Variants in POP4 observed in about 807,000 individuals in gnomAD.
POP4 encodes ribonuclease P protein subunit p29.
In POP4, 31 loss-of-function variants were observed where a neutral mutation model predicts 29.9. That is an observed-to-expected ratio of 1.04 (90% CI 0.78 to 1.40). The LOEUF is 1.40. Among genes scored for constraint, POP4 ranks in the 40% most tolerant of loss-of-function variants. The probability of loss-of-function intolerance (pLI) is 0.00; values close to 1 mark genes in which losing one functional copy is unlikely to be tolerated. For synonymous variants in POP4, 110 were observed against 108.2 expected (o/e 1.02, Z -0.10); for missense variants, 286 against 282.7 (o/e 1.01, Z -0.08).
At chr19:29,607,414 C>T (rs1243647620) in intron 1 of POP4, among the ~76,000 whole-genome samples, 1 of 151,996 alleles carries the variant, frequency 6.6e-6, no homozygotes. Flanking sequence ...TGCCACTGCA[C>T]TCCAGCCAGG....
chr19:29,607,117 A>G (rs1211334740), intron 1 of POP4, among the ~76,000 whole-genome samples: 2 of 152,126 alleles, frequency 1.3e-5, no homozygotes, highest in Non-Finnish European at 2.9e-5. Context: ...AAAACTTGCA[A>G]CCACATTGGT....
intron 6 of POP4, among the ~76,000 whole-genome samples, chr19:29,614,476 C>A (rs1971108405): frequency 6.6e-6 from 1 of 151,810 alleles, no homozygotes; most frequent in South Asian, 2.1e-4. Flanking sequence ...AGATATCAAA[C>A]CATAGTTAGA....
chr19:29,613,799 T>G lies in POP4; in HGVS notation c.425-72T>G. 8 of 1,540,226 alleles carry G rather than the reference T, an allele frequency of 5.2e-6. No homozygotes were observed. In the South Asian group the frequency reaches 9.0e-5, roughly 17 times the overall value. On this transcript the variant is annotated intron_variant, in intron 5 of 6. Transcript: ENST00000585603. ...GGGTGGGATCAGCACCCCCAACCCC[T>G]GAGGCCTGCTTCTCTGTGGTTCCCC...
In POP4 at chr19:29,612,163, G is replaced by A. The variant is rs936934863; in HGVS notation, c.409G>A (p.Gly137Arg). 6.2e-6 allele frequency: 10 copies of A among 1,609,778 alleles called. No individual in the cohort carries two copies. Among genetic ancestry groups the A allele is most frequent in the East Asian group, 4.5e-5 (2 of 44,864 alleles). The change falls in exon 5 of 7, where the codon GGG (glycine) becomes AGG (arginine). Residue 137 changes from glycine (G) to arginine (R), a missense_variant. Gly to Arg is a moderately radical substitution (Grantham distance 125). Transcript: ENST00000585603. ...QAKLLKADLH[G>R]AIISVTKSKC... ...CAAGCTCTTAAAGGCAGATCTTCAC[G>A]GGGCTATTATTTCAGGTAATTTACC...
intron 2 of POP4, among the ~76,000 whole-genome samples, chr19:29,609,902 G>A (rs917664701): frequency 5.3e-5 from 8 of 152,146 alleles, no homozygotes; most frequent in African/African-American, 1.4e-4. Flanking sequence ...ATTGTCCTAA[G>A]GGCACAGTGT....
chr19:29,607,867 C>T (rs1037763211), intron 1 of POP4, among the ~76,000 whole-genome samples: 5 of 152,210 alleles, frequency 3.3e-5, no homozygotes, highest in Non-Finnish European at 4.4e-5. Context: ...CATCTACATC[C>T]TAGACAGCTA....
At chr19:29,613,738 C>G (rs1304883627) in intron 5 of POP4, 133 bp from the exon 6 acceptor site, 6 of 1,378,722 alleles carry the variant, frequency 4.4e-6, no homozygotes, top group South Asian at 1.5e-5. Context: ...AGCCCCCACC[C>G]CCTGGGTGCT....
In POP4 at chr19:29,615,956, A is replaced by G. The variant is rs1377704306; in HGVS notation, c.*576A>G. The G allele has an allele frequency of 6.6e-6, 1 of 152,442 alleles. No homozygotes were observed. The allele number at this position is 152,442 out of a possible 1,614,324, so 9.4% of individuals were successfully genotyped here. On this transcript the variant is annotated 3_prime_UTR_variant, in exon 7 of 7. Transcript: ENST00000585603. ...GGATTGAAGGGTGAGTTGCTAAGTG[A>G]CTTAGGGTTTATTCACTTCAGGAAT...
intron 6 of POP4, among the ~76,000 whole-genome samples, chr19:29,614,371 C>T (rs912869899): frequency 2.0e-5 from 3 of 152,176 alleles, no homozygotes; most frequent in Admixed American, 1.3e-4. Flanking sequence ...GTGTCCTTGG[C>T]GATAACACTT....
chr19:29,611,971 G>C (rs777035477), intron 4 of POP4, 32 bp downstream of exon 4: 1 of 1,606,280 alleles, frequency 6.2e-7, no homozygotes, highest in East Asian at 2.2e-5. Context: ...TTGCTCTTTG[G>C]GGTGGATCTC....
Position 29,612,911 on chromosome 19 carries a change from G to A in POP4, c.424+733G>A, listed in dbSNP as rs116930207. Among the ~76,000 whole-genome samples the A allele has an allele frequency of 4.9e-3, 746 of 152,306 alleles. 6 individuals carry two copies. Among genetic ancestry groups the A allele is most frequent in the Admixed American group, 7.1e-3 (109 of 15,298 alleles). ...GCCGGTTACGTAGAAATCAGAGCAC[G>A]TTCCTTCCCTGCTTCAAGTCTTCTG... On this transcript the variant is annotated intron_variant, in intron 5 of 6. Transcript: ENST00000585603.
chr19:29,608,987 C>T (rs1293340057), intron 2 of POP4: 3 of 350,246 alleles, frequency 8.6e-6, no homozygotes, highest in African/African-American at 2.1e-5. Flanking sequence ...GCTGTGCCCA[C>T]GTGGTGGGCA....
At chr19:29,607,471 A>AC (rs1568293378) in intron 1 of POP4, among the ~76,000 whole-genome samples, 2 of 151,940 alleles carry the variant, frequency 1.3e-5, no homozygotes, top group African/African-American at 2.4e-5. Flanking sequence ...AAACAACAAA[A>AC]AAAAAAAACT....
Position 29,613,872 on chromosome 19 carries a change from G to A in POP4, c.426G>A (p.Val142=). ...KADLHGAIIS[V]TKSKCPSYVG... ...TGGAACTGTCCTTTTTCTTTGCAGT[G>A]ACAAAATCCAAATGCCCCTCTTATG... Residue 142 remains valine, a splice_region_variant and synonymous_variant, in exon 6 of 7, where the codon GTG becomes GTA. Coordinates refer to ENST00000585603, the MANE Select transcript of POP4 (RefSeq NM_006627.3). The A allele has an allele frequency of 6.2e-7, 1 of 1,611,070 alleles. No individual in the cohort carries two copies. Among genetic ancestry groups the A allele is most frequent in the Non-Finnish European group, 8.5e-7 (1 of 1,178,958 alleles).
rs758215181 is a variant in POP4, at chr19:29,610,638, C to A, written c.284+6C>A. 3 of 1,612,406 alleles carry A rather than the reference C, an allele frequency of 1.9e-6. No homozygotes were observed. The East Asian group carries it at 6.7e-5, about 36-fold the overall frequency. On this transcript the variant is annotated splice_donor_region_variant and intron_variant, in intron 3 of 6. Transcript: ENST00000585603. ...ATTAAACCAGAGCAGCAGAGGTAACCCGAGCTCCCCACGTCTTTCTGCCCG... is the reference window on the plus strand; with the variant it reads ...ATTAAACCAGAGCAGCAGAGGTAACACGAGCTCCCCACGTCTTTCTGCCCG...
rs1325349382 is a variant in POP4 at position 29,606,299 on chromosome 19, G to A, written c.-20G>A. Reference sequence around the variant, plus strand: ...GCAGCTGCCAGTGCGTCATCAGAGAGCGCCGGAAGCGGTCCGAGAATGAAG... The same window carrying A: ...GCAGCTGCCAGTGCGTCATCAGAGAACGCCGGAAGCGGTCCGAGAATGAAG... On this transcript the variant is annotated 5_prime_UTR_variant, in exon 1 of 7. Coordinates refer to ENST00000585603, the MANE Select transcript of POP4 (RefSeq NM_006627.3). 6.2e-7 allele frequency: 1 copy of A among 1,602,964 alleles called. No individual in the cohort carries two copies. Among genetic ancestry groups the A allele is most frequent in the Admixed American group, 1.7e-5 (1 of 58,074 alleles).
Position 29,616,799 on chromosome 19 carries a change from G to C in POP4, c.*1419G>C, listed in dbSNP as rs1247043241. 6.6e-6 allele frequency: 1 copy of C among 152,280 alleles called. No individual in the cohort carries two copies. Among genetic ancestry groups the C allele is most frequent in the African/African-American group, 2.4e-5 (1 of 41,440 alleles). 9.4% of individuals were successfully genotyped at this position (152,280 alleles called of 1,614,324 possible). A position where few individuals can be genotyped will look rare whatever the true frequency, so the allele number is the denominator to read the frequency against. On this transcript the variant is annotated 3_prime_UTR_variant, in exon 7 of 7. Coordinates refer to ENST00000585603, the MANE Select transcript of POP4 (RefSeq NM_006627.3). ...GCTGCCAGTGATGAACACACGCACG[G>C]GCTAGGCACATGGAGCCCAAGCACA...
chr19:29,614,383 G>A (rs55916128), intron 6 of POP4, among the ~76,000 whole-genome samples: 2,094 of 152,350 alleles, frequency 0.014, 32 homozygotes, highest in Non-Finnish European at 0.022. Context: ...ATAACACTTG[G>A]GTTCCATCCG....
At chr19:29,610,138 C>T in intron 2 of POP4, 1 of 474,380 alleles carries the variant, frequency 2.1e-6, no homozygotes, top group Non-Finnish European at 3.8e-6. Flanking sequence ...TCAGAATAAC[C>T]TCAGAAAAGC....
Sources: allele counts gnomAD v4.1 joint callset (sites outside exome capture counted in the v4.1 genomes callset), GRCh38; gene constraint gnomAD v4.1.1; transcripts MANE v1.5; gene names NCBI Gene and HGNC (gene_info 2026-07-23, HGNC 2026-07-21).